CATSPERT: variants seen among roughly 807,000 people sequenced by gnomAD.
CATSPERT encodes catsper channel auxiliary subunit tau.
At chr2:201,549,831 T>C in the CATSPERT span, 1 of 152,178 alleles carries the variant, frequency 6.6e-6, no homozygotes, top group East Asian at 1.9e-4. Flanking sequence ...ATTATCTTAC[T>C]CGCTATTATT....
At chr2:201,528,794 T>C in the CATSPERT span, among the ~76,000 whole-genome samples, 1 of 152,102 alleles carries the variant, frequency 6.6e-6, no homozygotes, top group African/African-American at 2.4e-5. Context: ...ATCGAAAAAC[T>C]ACCTATTGGA....
chr2:201,545,486 T>C, the CATSPERT span: 1 of 1,145,516 alleles, frequency 8.7e-7, no homozygotes, highest in Middle Eastern at 2.4e-4. Flanking sequence ...CTTTTTGTGA[T>C]ATAATCACTT....
the CATSPERT span, among the ~76,000 whole-genome samples, chr2:201,604,145 A>ATGTGTGTG: frequency 9.0e-4 from 133 of 148,386 alleles, no homozygotes; most frequent in East Asian, 0.011. Context: ...GTGTGTGTGT[A>ATGTGTGTG]TGTGTGTGTG....
At chr2:201,530,567 T>G in the CATSPERT span, among the ~76,000 whole-genome samples, 2 of 82,306 alleles carry the variant, frequency 2.4e-5, no homozygotes, top group Non-Finnish European at 5.6e-5. Flanking sequence ...CATCAATCAT[T>G]AGTAAGGGAT....
the CATSPERT span, among the ~76,000 whole-genome samples, chr2:201,569,057 GT>G: frequency 6.6e-6 from 1 of 152,270 alleles, no homozygotes; most frequent in South Asian, 2.1e-4. Flanking sequence ...GTGTCTAGTA[GT>G]CCCCAAAAGC....
chr2:201,562,197 T>TC, the CATSPERT span, among the ~76,000 whole-genome samples: 1 of 148,872 alleles, frequency 6.7e-6, no homozygotes. Context: ...CTTTTTTTTT[T>TC]TTTTTTTTGA....
At chr2:201,578,407 C>T in the CATSPERT span, among the ~76,000 whole-genome samples, 1 of 152,032 alleles carries the variant, frequency 6.6e-6, no homozygotes, top group Non-Finnish European at 1.5e-5. Context: ...TTATAAACCG[C>T]ACAGATCATG....
chr2:201,581,433 CATATAT>C, the CATSPERT span, among the ~76,000 whole-genome samples: 1 of 77,162 alleles, frequency 1.3e-5, no homozygotes. Context: ...TACTTAATTT[CATATAT>C]ATATATATAT....
At chr2:201,565,608 T>G in the CATSPERT span, 5 of 1,001,094 alleles carry the variant, frequency 5.0e-6, no homozygotes, top group African/African-American at 3.3e-5. Flanking sequence ...GGCACCATAA[T>G]GAAAGTTTCT....
At chr2:201,567,521 G>T in the CATSPERT span, among the ~76,000 whole-genome samples, 1 of 152,170 alleles carries the variant, frequency 6.6e-6, no homozygotes, top group Non-Finnish European at 1.5e-5. Flanking sequence ...TGAGTTCAAA[G>T]GCCTGAGAAT....
At chr2:201,573,351 A>C in the CATSPERT span, among the ~76,000 whole-genome samples, 4 of 152,232 alleles carry the variant, frequency 2.6e-5, no homozygotes, top group Non-Finnish European at 5.9e-5. Flanking sequence ...GAGAGTTCAA[A>C]TAGCACCAGA....
the CATSPERT span, among the ~76,000 whole-genome samples, chr2:201,502,756 C>T: frequency 2.6e-5 from 4 of 152,044 alleles, no homozygotes; most frequent in Admixed American, 1.3e-4. Context: ...TTGAGCTTCT[C>T]AGATATGTGG....
the CATSPERT span, among the ~76,000 whole-genome samples, chr2:201,506,071 T>C: frequency 6.6e-6 from 1 of 152,182 alleles, no homozygotes; most frequent in East Asian, 1.9e-4. Flanking sequence ...ATCGAGACCA[T>C]CCTGGCTAAC....
At chr2:201,508,397 G>A in the CATSPERT span, among the ~76,000 whole-genome samples, 11 of 152,358 alleles carry the variant, frequency 7.2e-5, no homozygotes, top group Non-Finnish European at 1.3e-4. Context: ...GTTCAAACTT[G>A]AAGTAATTAC....
chr2:201,537,529 CACAT>C, the CATSPERT span: 9 of 157,814 alleles, frequency 5.7e-5, no homozygotes, highest in Admixed American at 2.9e-4. Flanking sequence ...AAACAATAAA[CACAT>C]ATGTATGTAC....
At chr2:201,519,019 T>C in the CATSPERT span, among the ~76,000 whole-genome samples, 1 of 152,236 alleles carries the variant, frequency 6.6e-6, no homozygotes, top group Non-Finnish European at 1.5e-5. Flanking sequence ...ACTCCTCATA[T>C]ACATTCAGAT....
the CATSPERT span, among the ~76,000 whole-genome samples, chr2:201,592,049 A>T: frequency 1.1e-4 from 16 of 151,900 alleles, no homozygotes; most frequent in East Asian, 1.4e-3. Flanking sequence ...AGAGAGGGCA[A>T]CCCTGTCTTG....
At chr2:201,603,631 T>C in the CATSPERT span, among the ~76,000 whole-genome samples, 1 of 152,212 alleles carries the variant, frequency 6.6e-6, no homozygotes. Flanking sequence ...AATTAAGAAA[T>C]GTGCCTTATT....
At chr2:201,513,384 A>G in the CATSPERT span, among the ~76,000 whole-genome samples, 28 of 152,212 alleles carry the variant, frequency 1.8e-4, no homozygotes, top group Non-Finnish European at 3.5e-4. Context: ...ATGAGACACC[A>G]TCTTACACCA....
Sources: allele counts gnomAD v4.1 joint callset (sites outside exome capture counted in the v4.1 genomes callset), GRCh38; gene constraint gnomAD v4.1.1; transcripts MANE v1.5; gene names NCBI Gene and HGNC (gene_info 2026-07-23, HGNC 2026-07-21).